Variants in BMPER observed in about 807,000 individuals in gnomAD.
BMPER encodes the protein BMP-binding endothelial regulator protein.
Under a neutral mutation model 87.3 loss-of-function variants are expected in BMPER, and 45 were observed. The ratio of observed to expected loss-of-function variants is 0.52; its 90% CI spans 0.41 to 0.66. BMPER has a LOEUF of 0.66. Ranked by LOEUF, BMPER falls within the 30% of genes least tolerant of loss-of-function variation. The pLI is 0.00. For missense variants in BMPER, 784 were observed against 867.5 expected, an observed-to-expected ratio of 0.90 and a Z score of 1.21; for synonymous variants, 326 against 316.2, an observed-to-expected ratio of 1.03 and a Z score of -0.33.
intron 3 of BMPER, among the ~76,000 whole-genome samples, chr7:33,958,260 A>G (rs900112170): frequency 4.6e-5 from 7 of 152,166 alleles, no homozygotes; most frequent in Non-Finnish European, 8.8e-5. Context: ...GGGAGTGCCT[A>G]TTGCTCAGGG....
intron 13 of BMPER, among the ~76,000 whole-genome samples, chr7:34,104,820 A>AC (rs1387995910): frequency 6.6e-6 from 1 of 152,154 alleles, no homozygotes; most frequent in Non-Finnish European, 1.5e-5. Flanking sequence ...ACATGAGATG[A>AC]CACCATCATG....
chr7:34,068,807 G>C (rs1265505048), intron 11 of BMPER, among the ~76,000 whole-genome samples: 1 of 152,150 alleles, frequency 6.6e-6, no homozygotes, highest in African/African-American at 2.4e-5. Context: ...CAGGAAATTT[G>C]TAAGTGAAGG....
chr7:33,966,612 C>T (rs527602667), intron 4 of BMPER, 51 bp downstream of exon 4: 6 of 1,523,388 alleles, frequency 3.9e-6, no homozygotes, highest in Non-Finnish European at 5.5e-6. Context: ...ATAGAGTCCT[C>T]TTTAGTCACC....
chr7:34,081,227 C>A (rs1789039074), intron 12 of BMPER, among the ~76,000 whole-genome samples: 1 of 152,092 alleles, frequency 6.6e-6, no homozygotes, highest in African/African-American at 2.4e-5. Flanking sequence ...TTTGAACTAC[C>A]CTTTAGGGAT....
intron 6 of BMPER, among the ~76,000 whole-genome samples, chr7:33,998,085 C>A (rs78318555): frequency 6.6e-6 from 1 of 152,208 alleles, no homozygotes; most frequent in Non-Finnish European, 1.5e-5. Flanking sequence ...TGTATCTCCA[C>A]GACCTAAAAT....
intron 2 of BMPER, among the ~76,000 whole-genome samples, chr7:33,925,716 C>G (rs1399383412): frequency 1.3e-5 from 2 of 152,134 alleles, no homozygotes; most frequent in Non-Finnish European, 1.5e-5. Flanking sequence ...GTGAAACAAA[C>G]TGTTCTACTG....
At chr7:34,093,588 G>A (rs913240686) in intron 13 of BMPER, among the ~76,000 whole-genome samples, 4 of 152,162 alleles carry the variant, frequency 2.6e-5, no homozygotes, top group African/African-American at 9.7e-5. Flanking sequence ...GACTCTCTTT[G>A]GGCAAGGTTA....
chr7:33,968,891 T>A (rs1785468643), intron 4 of BMPER, among the ~76,000 whole-genome samples: 1 of 152,246 alleles, frequency 6.6e-6, no homozygotes, highest in South Asian at 2.1e-4. Flanking sequence ...GGAACTAACC[T>A]GAATCCTCCA....
intron 13 of BMPER, among the ~76,000 whole-genome samples, chr7:34,093,435 A>G (rs577221580): frequency 2.6e-5 from 4 of 152,312 alleles, no homozygotes; most frequent in South Asian, 4.1e-4. Flanking sequence ...ATGTTATTGC[A>G]TAGCCCAAAG....
At position 33,974,763 on chromosome 7, in the gene BMPER, A is replaced by G. The variant is rs900470722; in HGVS notation, c.555A>G (p.Lys185=). The G allele has an allele frequency of 6.2e-7, 1 of 1,613,900 alleles. No homozygotes were observed. Among genetic ancestry groups the G allele is most frequent in the African/African-American group, 1.3e-5 (1 of 74,878 alleles). ...AGGAATTTCAGCCAGAAGGAAGCAA[A>G]TGTACCAAGTGTTCCTGCACTGTAA... ...EGEEFQPEGS[K]CTKCSCTGGR... is the part of the protein sequence containing the mutation. Residue 185 remains lysine (K), a synonymous_variant, in exon 6 of 15, where the codon AAA becomes AAG. Transcript: ENST00000649409.
In BMPER at chr7:34,029,224, G is replaced by A. The variant is rs139755538; in HGVS notation, c.577-17082G>A. ...AGATATAAAATTGTTTGTGCATGTT[G>A]TGCCAAATTTGAAGATCAAAAGTGA... is the stretch of plus-strand genomic sequence containing the variant. On this transcript the variant is annotated intron_variant, in intron 6 of 14. Transcript: ENST00000649409. 8.9e-4 allele frequency among the ~76,000 whole-genome samples: 135 copies of A among 152,164 alleles called. 2 individuals carry two copies. In the East Asian group the frequency reaches 0.024, roughly 27 times the overall value.
chr7:33,926,466 G>T (rs2128606050), intron 2 of BMPER, among the ~76,000 whole-genome samples: 1 of 152,310 alleles, frequency 6.6e-6, no homozygotes, highest in South Asian at 2.1e-4. Context: ...TCAGCAACAA[G>T]TTTATGTTGA....
intron 7 of BMPER, among the ~76,000 whole-genome samples, chr7:34,050,352 G>T (rs766576055): frequency 3.9e-5 from 6 of 152,074 alleles, no homozygotes; most frequent in Non-Finnish European, 8.8e-5. Context: ...TCACGAGGGA[G>T]TCCATATGTA....
chr7:33,991,743 T>C (rs1484622344), intron 6 of BMPER, among the ~76,000 whole-genome samples: 16 of 150,848 alleles, frequency 1.1e-4, no homozygotes, highest in African/African-American at 3.7e-4. Context: ...TGCCTTCTCT[T>C]GTGGGCATTT....
At chr7:33,931,270 A>G (rs563741487) in intron 2 of BMPER, among the ~76,000 whole-genome samples, 9 of 152,316 alleles carry the variant, frequency 5.9e-5, no homozygotes, top group Non-Finnish European at 8.8e-5. Context: ...ATACTTCTGT[A>G]CATTTTAGTG....
chr7:34,153,078 C>G lies in BMPER; in HGVS notation c.1877-14C>G, dbSNP rs754770017. 6.8e-6 allele frequency: 11 copies of G among 1,613,928 alleles called. No homozygotes were observed. Reference sequence around the variant, plus strand: ...TTTCTCCATGTTATGCCTTTGTCTCCTTCTCTTTTTCAGCCACCCAGTGTA... The same window carrying G: ...TTTCTCCATGTTATGCCTTTGTCTCGTTCTCTTTTTCAGCCACCCAGTGTA... On this transcript the variant is annotated splice_polypyrimidine_tract_variant and intron_variant, in intron 14 of 14. Coordinates refer to ENST00000649409, the MANE Select transcript of BMPER (RefSeq NM_001365308.1).
chr7:33,913,960 ATTTT>A (rs59183615), intron 2 of BMPER, among the ~76,000 whole-genome samples: 3 of 134,290 alleles, frequency 2.2e-5, no homozygotes, highest in Non-Finnish European at 3.2e-5. Flanking sequence ...TTTTAGCACA[ATTTT>A]TTTTTTTTTT....
chr7:34,109,091 C>G (rs1405903713), intron 13 of BMPER, among the ~76,000 whole-genome samples: 3 of 152,178 alleles, frequency 2.0e-5, no homozygotes, highest in Non-Finnish European at 4.4e-5. Context: ...AGTTGGCGAG[C>G]TGGAGACCCA....
intron 6 of BMPER, among the ~76,000 whole-genome samples, chr7:33,990,183 T>G (rs369069955): frequency 6.7e-6 from 1 of 150,358 alleles, no homozygotes; most frequent in Admixed American, 6.7e-5. Flanking sequence ...GGGGATGGCA[T>G]TGAATCTGTA....
Sources: allele counts gnomAD v4.1 joint callset (sites outside exome capture counted in the v4.1 genomes callset), GRCh38; gene constraint gnomAD v4.1.1; transcripts MANE v1.5; gene names NCBI Gene and HGNC (gene_info 2026-07-23, HGNC 2026-07-21).